The following ZNF780B variants were observed in gnomAD, a reference collection of about 807,000 sequenced individuals.
ZNF780B encodes the protein zinc finger protein 779.
A neutral mutation model predicts 74.1 loss-of-function variants in ZNF780B; 52 were observed. The ratio of observed to expected loss-of-function variants is 0.70; its 90% confidence interval spans 0.56 to 0.88. ZNF780B has a LOEUF of 0.88. Among genes scored for constraint, ZNF780B ranks in the 40% least tolerant of loss-of-function variants. ZNF780B has a pLI of 0.00. For synonymous variants in ZNF780B, 315 were observed against 324.3 expected, an observed-to-expected ratio of 0.97 and a Z score of 0.31; for missense variants, 953 against 1,007.6, an observed-to-expected ratio of 0.95 and a Z score of 0.73.
rs1421943539 is a variant in ZNF780B, at chr19:40,034,482, G to T, written c.2377C>A (p.His793Asn). The part of the protein sequence containing the change: ...CKECGKAFRL[H>N]LQLSLHQKLV... ...TTTTGATGCAGAGAAAGTTGTAGGT[G>T]AAGTCTAAAAGCCTTCCCACACTCC... Residue 793 changes from histidine to asparagine, a missense_variant, in exon 5 of 5, where the codon CAC (histidine) becomes AAC (asparagine). Physicochemically the swap from His to Asn is moderately conservative, Grantham distance 68. Transcript: ENST00000434248. 2 of 1,613,172 alleles carry T rather than the reference G, an allele frequency of 1.2e-6. No homozygotes were observed. Among genetic ancestry groups the T allele is most frequent in the Admixed American group, 1.7e-5 (1 of 59,940 alleles).
In ZNF780B at chr19:40,034,271, G is replaced by A; in HGVS notation, c.*86C>T. On this transcript the variant is annotated 3_prime_UTR_variant, in exon 5 of 5. Coordinates refer to ENST00000434248, the MANE Select transcript of ZNF780B (RefSeq NM_001005851.3). The stretch of plus-strand genomic sequence containing the variant: ...TCCCACATCCTTGACATTCATAAGG[G>A]TTCTCACGAATATGAAATCTATAAT... 1 of 1,141,514 alleles carries A rather than the reference G, an allele frequency of 8.8e-7. No homozygotes were observed. The allele number at this position is 1,141,514 out of a possible 1,614,324, so 70.7% of individuals were successfully genotyped here. A position where few individuals can be genotyped will look rare whatever the true frequency, so the allele number is the denominator to read the frequency against.
rs375825308 is a variant in ZNF780B, at chr19:40,043,358, CG to C, written c.232+4016del. Among the ~76,000 whole-genome samples, 19 of 152,320 alleles carry C rather than the reference CG, an allele frequency of 1.2e-4. 1 individual carries two copies. Among genetic ancestry groups the C allele is most frequent in the African/African-American group, 4.6e-4 (19 of 41,578 alleles). The stretch of plus-strand genomic sequence containing the variant: ...GGGGTTGCCTCCCAGTTAGGCTGCT[CG>C]GGGGTCAGGGAAACACTTGAGGAGG... On this transcript the variant is annotated intron_variant, in intron 4 of 4. Coordinates refer to ENST00000434248, the MANE Select transcript of ZNF780B (RefSeq NM_001005851.3).
chr19:40,034,603 T>C lies in ZNF780B; in HGVS notation c.2256A>G (p.Pro752=). The C allele has an allele frequency of 1.9e-6, 3 of 1,613,782 alleles. No individual in the cohort carries two copies. The highest frequency in any genetic ancestry group is 1.1e-5 in the South Asian group (1 of 91,042). The change falls in exon 5 of 5, where the codon CCA becomes CCG. Residue 752 remains proline, a synonymous_variant. Coordinates refer to ENST00000434248, the MANE Select transcript of ZNF780B (RefSeq NM_001005851.3). The part of the protein sequence containing the change: ...QHQIIHTGEK[P]FKCKECGKAF... ...CCTTCCCACACTCCTTACATTTAAA[T>C]GGCTTCTCACCAGTATGAATGATCT...
At chr19:40,053,348 AAACCT>A (rs1256200106) in intron 1 of ZNF780B, among the ~76,000 whole-genome samples, 3 of 152,380 alleles carry the variant, frequency 2.0e-5, no homozygotes, top group African/African-American at 7.2e-5. Flanking sequence ...AATGAAAATT[AAACCT>A]ACAATAAGAT....
At chr19:40,041,530 T>C (rs1972638130) in intron 4 of ZNF780B, among the ~76,000 whole-genome samples, 1 of 152,214 alleles carries the variant, frequency 6.6e-6, no homozygotes, top group Admixed American at 6.5e-5. Flanking sequence ...ATTATTATTG[T>C]GTGGCAGTCT....
At chr19:40,048,889 A>G in intron 2 of ZNF780B, 93 bp from the exon 3 acceptor site, 2 of 1,568,628 alleles carry the variant, frequency 1.3e-6, no homozygotes, top group South Asian at 1.2e-5. Context: ...GCAATAAAGG[A>G]GCAATATGGA....
At chr19:40,050,769 G>T (rs1237885314) in intron 1 of ZNF780B, among the ~76,000 whole-genome samples, 1 of 152,212 alleles carries the variant, frequency 6.6e-6, no homozygotes, top group Non-Finnish European at 1.5e-5. Flanking sequence ...AGCTGAGAAG[G>T]GCTTGCATCA....
intron 1 of ZNF780B, among the ~76,000 whole-genome samples, chr19:40,051,315 G>GA (rs1231415262): frequency 2.6e-5 from 4 of 151,726 alleles, no homozygotes; most frequent in Admixed American, 6.6e-5. Flanking sequence ...TTCTTGCGAG[G>GA]AAATTGTTCT....
Position 40,034,834 on chromosome 19 carries a change from C to T in ZNF780B, c.2025G>A (p.Gly675=). 2 of 1,614,086 alleles carry T rather than the reference C, an allele frequency of 1.2e-6. No homozygotes were observed. Among genetic ancestry groups the T allele is most frequent in the Non-Finnish European group, 1.7e-6 (2 of 1,179,988 alleles). ...GGTTTGAAACACGACTAAAGCCTTT[C>T]CCACACTCCTTACATTCATATGGTT... The part of the protein sequence containing the change: ...GVKPYECKEC[G]KGFSRVSNLI... The change falls in exon 5 of 5, where the codon GGG becomes GGA. Residue 675 remains glycine (G), a synonymous_variant. Coordinates refer to ENST00000434248, the MANE Select transcript of ZNF780B (RefSeq NM_001005851.3).
At chr19:40,041,163 A>G (rs999501775) in intron 4 of ZNF780B, among the ~76,000 whole-genome samples, 1 of 152,158 alleles carries the variant, frequency 6.6e-6, no homozygotes, top group African/African-American at 2.4e-5. Flanking sequence ...TTCGTTATGT[A>G]CCCAGTAGTC....
intron 1 of ZNF780B, among the ~76,000 whole-genome samples, chr19:40,054,814 TCC>T (rs1973408787): frequency 6.6e-6 from 1 of 152,218 alleles, no homozygotes; most frequent in African/African-American, 2.4e-5. Flanking sequence ...ATACTCTGGA[TCC>T]ACTCCCCTAT....
At chr19:40,041,346 T>C (rs1324200049) in intron 4 of ZNF780B, among the ~76,000 whole-genome samples, 1 of 152,210 alleles carries the variant, frequency 6.6e-6, no homozygotes, top group Admixed American at 6.5e-5. Flanking sequence ...AATTTTGGAA[T>C]AGGTGTGGTG....
chr19:40,041,807 T>C (rs529277159), intron 4 of ZNF780B, among the ~76,000 whole-genome samples: 3 of 152,166 alleles, frequency 2.0e-5, no homozygotes, highest in Non-Finnish European at 4.4e-5. Context: ...TGTCTCTGCA[T>C]GTGAGGTGGG....
At chr19:40,048,906 CAG>C in intron 2 of ZNF780B, 110 bp from the exon 3 acceptor site, 1 of 1,511,254 alleles carries the variant, frequency 6.6e-7, no homozygotes, top group Non-Finnish European at 9.0e-7. Context: ...TGGAAAATCG[CAG>C]AGTGCCTACA....
Position 40,036,112 on chromosome 19 carries a change from A to G in ZNF780B, c.747T>C (p.Phe249=), listed in dbSNP as rs1972293141. ...HKNIHTVKKL[F]ECKECGKSFN... is the part of the protein sequence containing the mutation. ...AAGACTTCCCACATTCCTTACATTCAAACAGTTTCTTAACTGTGTGAATGT... is the reference window on the plus strand; with the variant it reads ...AAGACTTCCCACATTCCTTACATTCGAACAGTTTCTTAACTGTGTGAATGT... Residue 249 remains phenylalanine (F), a synonymous_variant, in exon 5 of 5, where the codon TTT becomes TTC. Transcript: ENST00000434248. 5 of 1,613,554 alleles carry G rather than the reference A, an allele frequency of 3.1e-6. No homozygotes were observed. Among genetic ancestry groups the G allele is most frequent in the Non-Finnish European group, 4.2e-6 (5 of 1,179,856 alleles).
rs565934046 is a variant in ZNF780B at position 40,043,531 on chromosome 19, T to G, written c.232+3844A>C. On this transcript the variant is annotated intron_variant, in intron 4 of 4. Transcript: ENST00000434248. ...AGGTGGAGCCTACAGAGGCAGGCAG[T>G]CCTCCTTGAGCTGTGGTGGGCTCCA... Among the ~76,000 whole-genome samples the G allele has an allele frequency of 7.8e-3, 1,190 of 152,360 alleles. 6 individuals carry two copies. The highest frequency in any genetic ancestry group is 0.012 in the Non-Finnish European group (793 of 68,028).
Position 40,034,780 on chromosome 19 carries a change from A to G in ZNF780B, c.2079T>C (p.Ser693=). ...ACTCCTTACATACAAAGGGTTTCGC[A>G]CTGGAATGAGTTTTCTGATGCTGAA... is the stretch of plus-strand genomic sequence containing the variant. ...NLIQHQKTHS[S]AKPFVCKECR... is the part of the protein sequence containing the mutation. Residue 693 remains serine (S), a synonymous_variant, in exon 5 of 5, where the codon AGT becomes AGC. Coordinates refer to ENST00000434248, the MANE Select transcript of ZNF780B (RefSeq NM_001005851.3). 1.9e-6 allele frequency: 3 copies of G among 1,613,776 alleles called. No individual in the cohort carries two copies. Among genetic ancestry groups the G allele is most frequent in the South Asian group, 1.1e-5 (1 of 91,056 alleles).
At chr19:40,046,895 AATGCAAAAGC>A (rs1255725366) in intron 4 of ZNF780B, among the ~76,000 whole-genome samples, 3 of 152,206 alleles carry the variant, frequency 2.0e-5, no homozygotes, top group Non-Finnish European at 2.9e-5. Flanking sequence ...TAGAAATCTA[AATGCAAAAGC>A]AGAGTTGGAA....
At position 40,034,387 on chromosome 19, in the gene ZNF780B, T is replaced by C. The variant is rs1972126753; in HGVS notation, c.2472A>G (p.Leu824=). The C allele has an allele frequency of 6.2e-7, 1 of 1,610,362 alleles. No individual in the cohort carries two copies. The highest frequency in any genetic ancestry group is 8.5e-7 in the Non-Finnish European group (1 of 1,177,764). Reference sequence around the variant, plus strand: ...CAAGTATGAATTTTCTGATGTTCAGTAAGTTGCTACTGATGTCTGAAGGCT... The same window carrying C: ...CAAGTATGAATTTTCTGATGTTCAGCAAGTTGCTACTGATGTCTGAAGGCT... The part of the protein sequence containing the change: ...VGQPSDISSN[L]LNIRKFILG Residue 824 remains leucine (L), a synonymous_variant, in exon 5 of 5, where the codon TTA becomes TTG. Coordinates refer to ENST00000434248, the MANE Select transcript of ZNF780B (RefSeq NM_001005851.3).
Sources: allele counts gnomAD v4.1 joint callset (sites outside exome capture counted in the v4.1 genomes callset), GRCh38; gene constraint gnomAD v4.1.1; transcripts MANE v1.5; gene names NCBI Gene and HGNC (gene_info 2026-07-23, HGNC 2026-07-21).